SPATA13: variants seen among roughly 807,000 people sequenced by gnomAD.
The protein encoded by SPATA13 is spermatogenesis-associated protein 13.
In SPATA13, 50 loss-of-function variants were observed where a neutral mutation model predicts 104.0. The ratio of observed to expected loss-of-function variants is 0.48; its 90% CI spans 0.38 to 0.61. The LOEUF (loss-of-function observed/expected upper bound fraction) is 0.61, where lower values mean the gene tolerates loss of function less well. Ranked by LOEUF, SPATA13 falls within the 20% of genes least tolerant of loss-of-function variation. The pLI, the probability that SPATA13 is intolerant of heterozygous loss-of-function variation, is 0.00. For synonymous variants in SPATA13, 606 were observed against 667.5 expected (o/e 0.91, Z 1.42); for missense variants, 1,524 against 1,690.6 (o/e 0.90, Z 1.73).
chr13:24,302,634 G>T lies in SPATA13; in HGVS notation c.3695G>T (p.Gly1232Val). 6 of 1,613,400 alleles carry T rather than the reference G, an allele frequency of 3.7e-6. No homozygotes were observed. The highest frequency in any genetic ancestry group is 5.1e-6 in the Non-Finnish European group (6 of 1,179,652). The part of the protein sequence containing the change: ...NRCPVAPPHQ[G>V]LHPIHQRHIT... ...TGCCCTGTGGCCCCACCGCACCAGG[G>T]CCTGCACCCCATCCACCAGCGCCAC... Residue 1232 changes from glycine to valine, a missense_variant, in exon 13 of 13, where the codon GGC (glycine) becomes GTC (valine). Around this residue, in one of 2 missense-constraint regions of SPATA13, gnomAD observed 435 missense variants for 554.8 expected, o/e 0.78. Transcript: ENST00000382108.
chr13:24,052,843 CACTGTGCCCTG>C (rs1878402640), intron 3 of SPATA13, among the ~76,000 whole-genome samples: 3 of 123,414 alleles, frequency 2.4e-5, no homozygotes, highest in Admixed American at 8.0e-5. Context: ...TCCTCCCCGC[CACTGTGCCCTG>C]CCCACCACAT....
intron 3 of SPATA13, among the ~76,000 whole-genome samples, chr13:24,118,147 A>C (rs1166353285): frequency 6.6e-6 from 1 of 152,146 alleles, no homozygotes; most frequent in Non-Finnish European, 1.5e-5. Context: ...CGTAACTCCA[A>C]ACCTGAGCGT....
intron 2 of SPATA13, among the ~76,000 whole-genome samples, chr13:24,008,731 G>A (rs919682752): frequency 4.6e-5 from 7 of 152,078 alleles, no homozygotes; most frequent in African/African-American, 1.7e-4. Flanking sequence ...CAGAGACCTG[G>A]AAACCTTTGG....
At chr13:24,296,687 G>A (rs1876805962) in intron 10 of SPATA13, among the ~76,000 whole-genome samples, 1 of 152,094 alleles carries the variant, frequency 6.6e-6, no homozygotes, top group African/African-American at 2.4e-5. Flanking sequence ...GTTTGGGTCA[G>A]CTGCTGTTTC....
chr13:24,042,647 C>T (rs1877978086), intron 3 of SPATA13, among the ~76,000 whole-genome samples: 1 of 152,226 alleles, frequency 6.6e-6, no homozygotes, highest in South Asian at 2.1e-4. Flanking sequence ...GGGGGTAAAC[C>T]TTACTGAACT....
intron 8 of SPATA13, 121 bp from the exon 9 acceptor site, chr13:24,290,531 T>G: frequency 1.3e-6 from 1 of 756,654 alleles, no homozygotes; most frequent in Non-Finnish European, 2.3e-6. Context: ...CTGTCCTTCT[T>G]GCAGTAGTCC....
At chr13:24,179,554 A>C (rs1017914408) in intron 1 of SPATA13, among the ~76,000 whole-genome samples, 2 of 152,032 alleles carry the variant, frequency 1.3e-5, no homozygotes, top group Non-Finnish European at 2.9e-5. Context: ...CAATCTCCAG[A>C]ATCTTTTTAT....
At chr13:24,287,601 G>A (rs553019803) in intron 7 of SPATA13, among the ~76,000 whole-genome samples, 105 of 152,292 alleles carry the variant, frequency 6.9e-4, no homozygotes, top group African/African-American at 2.4e-3. Context: ...CTGCAACCCC[G>A]CTGCATCTAA....
rs1282518987 is a variant in SPATA13, at chr13:24,205,823, A to C, written c.-111-16996A>C. On this transcript the variant is annotated intron_variant, in intron 1 of 12. Transcript: ENST00000382108. This position sits in a 1 kb window ranked among gnomAD's most constrained non-coding sequence, Gnocchi z 4.1. ...ACCTTTGACAAACCTGACCAAAAAC[A>C]AGCAATGGAGAAAGGATACCCTATT... 2.0e-5 allele frequency among the ~76,000 whole-genome samples: 3 copies of C among 152,162 alleles called. No individual in the cohort carries two copies. The highest frequency in any genetic ancestry group is 6.5e-5 in the Admixed American group (1 of 15,278).
chr13:24,292,815 G>A (rs753328793), intron 9 of SPATA13, among the ~76,000 whole-genome samples: 87 of 151,986 alleles, frequency 5.7e-4, no homozygotes, highest in Non-Finnish European at 1.1e-3. Flanking sequence ...CTGGCCAAAT[G>A]GTGAAATCCC....
At chr13:24,120,970 G>T (rs1881014195) in intron 3 of SPATA13, among the ~76,000 whole-genome samples, 1 of 152,168 alleles carries the variant, frequency 6.6e-6, no homozygotes, top group Non-Finnish European at 1.5e-5. Context: ...GAATAAAACT[G>T]CAAGATAACA....
rs1875642025 is a variant in SPATA13, at chr13:24,282,812, A to G, written c.2165-1323A>G. Among the ~76,000 whole-genome samples the G allele has an allele frequency of 2.0e-5, 3 of 152,208 alleles. 1 individual carries two copies. In the South Asian group the frequency reaches 6.2e-4, roughly 32 times the overall value. Reference sequence around the variant, plus strand: ...GCATTCTGTGGCCTGATTCTTCAAAAAGAAGGACATGAAGCTCAGAGAAAT... The same window carrying G: ...GCATTCTGTGGCCTGATTCTTCAAAGAGAAGGACATGAAGCTCAGAGAAAT... On this transcript the variant is annotated intron_variant, in intron 4 of 12. Transcript: ENST00000382108.
chr13:24,129,234 G>A (rs906602484), intron 3 of SPATA13, among the ~76,000 whole-genome samples: 1 of 152,224 alleles, frequency 6.6e-6, no homozygotes, highest in Non-Finnish European at 1.5e-5. Context: ...GAATGCTGGG[G>A]GTCAGAGGAG....
chr13:24,071,054 C>T (rs2137765820), intron 3 of SPATA13, among the ~76,000 whole-genome samples: 1 of 152,224 alleles, frequency 6.6e-6, no homozygotes, highest in South Asian at 2.1e-4. Flanking sequence ...TTTTGTTTCC[C>T]TGGAGAACCA....
chr13:24,243,079 C>A (rs1326626962), intron 2 of SPATA13, among the ~76,000 whole-genome samples: 1 of 152,298 alleles, frequency 6.6e-6, no homozygotes, highest in South Asian at 2.1e-4. Flanking sequence ...TGTTATCTAA[C>A]CCGGGAGTTT....
chr13:24,254,198 CAGG>C (rs386769036), intron 4 of SPATA13: 29,591 of 152,180 alleles, frequency 0.19, 3,848 homozygotes, highest in African/African-American at 0.37. Flanking sequence ...TCACTGTGGC[CAGG>C]ACTGTGAACT....
intron 2 of SPATA13, among the ~76,000 whole-genome samples, chr13:24,232,677 T>C (rs1470279681): frequency 6.6e-6 from 1 of 152,130 alleles, no homozygotes; most frequent in African/African-American, 2.4e-5. Context: ...CCCCACCCAG[T>C]AGCTGGGACT....
chr13:24,051,542 T>G lies in SPATA13; in HGVS notation c.-112+33841T>G, dbSNP rs1356856494. Reference sequence around the variant, plus strand: ...AGGGGAGGAGATTATGCCCAGTGGGTGGTCCATAGAAGGAAGCCAGGGAGT... The same window carrying G: ...AGGGGAGGAGATTATGCCCAGTGGGGGGTCCATAGAAGGAAGCCAGGGAGT... On this transcript the variant is annotated intron_variant, in intron 3 of 14. Transcript: ENST00000424834. The surrounding 1 kb of genome is among the most constrained non-coding windows in gnomAD (Gnocchi z 4.2). Among the ~76,000 whole-genome samples, 3 of 152,048 alleles carry G rather than the reference T, an allele frequency of 2.0e-5. No individual in the cohort carries two copies. The highest frequency in any genetic ancestry group is 4.4e-5 in the Non-Finnish European group (3 of 68,008).
intron 1 of SPATA13, among the ~76,000 whole-genome samples, chr13:24,180,337 A>G (rs369404921): frequency 3.3e-5 from 5 of 152,102 alleles, no homozygotes; most frequent in Admixed American, 2.0e-4. Context: ...CTTTAGTTCT[A>G]TTTTCATTGA....
Sources: allele counts gnomAD v4.1 joint callset (sites outside exome capture counted in the v4.1 genomes callset), GRCh38; gene constraint gnomAD v4.1.1; regional missense constraint gnomAD v4.1.1; non-coding constraint Gnocchi (gnomAD v3.1); transcripts MANE v1.5; gene names NCBI Gene and HGNC (gene_info 2026-07-23, HGNC 2026-07-21).